The following CRTAM variants were observed in gnomAD, a reference collection of about 807,000 sequenced individuals.
CRTAM encodes cytotoxic and regulatory T-cell molecule.
A neutral mutation model predicts 50.0 loss-of-function variants in CRTAM; 44 were observed. The ratio of observed to expected loss-of-function variants is 0.88; its 90% confidence interval spans 0.69 to 1.13. The LOEUF (loss-of-function observed/expected upper bound fraction) is 1.13, where lower values mean the gene tolerates loss of function less well. Ranked by LOEUF, CRTAM falls within the 50% of genes most tolerant of loss-of-function variation. The pLI, the probability that CRTAM is intolerant of heterozygous loss-of-function variation, is 0.00. For missense variants in CRTAM, 448 were observed against 457.5 expected, an observed-to-expected ratio of 0.98 and a Z score of 0.19; for synonymous variants, 159 against 169.3, an observed-to-expected ratio of 0.94 and a Z score of 0.47.
intron 9 of CRTAM, among the ~76,000 whole-genome samples, chr11:122,870,998 G>A (rs1018253066): frequency 2.6e-5 from 4 of 152,100 alleles, no homozygotes; most frequent in African/African-American, 4.8e-5. Context: ...AGGATCACTT[G>A]AGCCCGGGAG....
At chr11:122,864,278 A>T (rs556033516) in intron 6 of CRTAM, among the ~76,000 whole-genome samples, 1 of 152,206 alleles carries the variant, frequency 6.6e-6, no homozygotes, top group Non-Finnish European at 1.5e-5. Flanking sequence ...GTTAGGTAAA[A>T]CAGAGTTTAT....
At chr11:122,854,814 C>T (rs147237914) in intron 4 of CRTAM, among the ~76,000 whole-genome samples, 27 of 152,166 alleles carry the variant, frequency 1.8e-4, no homozygotes, top group African/African-American at 6.3e-4. Context: ...CCCACAAGAA[C>T]AGATTAAAAA....
At chr11:122,864,057 TC>T (rs1360160375) in intron 6 of CRTAM, among the ~76,000 whole-genome samples, 1 of 152,130 alleles carries the variant, frequency 6.6e-6, no homozygotes, top group Non-Finnish European at 1.5e-5. Flanking sequence ...TCATAGTACA[TC>T]CCACTTCTAA....
chr11:122,872,159 A>G lies in CRTAM; in HGVS notation c.*760A>G, dbSNP rs369042790. ...CAAAAAAAAAGAAGTTACTTCCAAG[A>G]CAGACTTTTAAGATGTAACCAGCAC... On this transcript the variant is annotated 3_prime_UTR_variant, in exon 10 of 10. Transcript: ENST00000227348. The G allele has an allele frequency of 6.6e-6, 1 of 152,218 alleles. No individual in the cohort carries two copies. The highest frequency in any genetic ancestry group is 1.9e-4 in the East Asian group (1 of 5,196). The allele number at this position is 152,218 out of a possible 1,614,324, so 9.4% of individuals were successfully genotyped here.
intron 1 of CRTAM, among the ~76,000 whole-genome samples, chr11:122,849,015 C>T (rs1297328779): frequency 6.6e-6 from 1 of 152,016 alleles, no homozygotes; most frequent in South Asian, 2.1e-4. Context: ...GGTTGTGATT[C>T]GGAGAAATTA....
intron 8 of CRTAM, 132 bp from the exon 9 acceptor site, chr11:122,867,881 T>C: frequency 1.5e-6 from 1 of 645,548 alleles, no homozygotes; most frequent in Non-Finnish European, 2.7e-6. Context: ...GTTGAATTAA[T>C]GAGGTATGAG....
intron 6 of CRTAM, among the ~76,000 whole-genome samples, chr11:122,864,202 C>T (rs1862138433): frequency 6.6e-6 from 1 of 152,120 alleles, no homozygotes; most frequent in Non-Finnish European, 1.5e-5. Context: ...TCCTAAAGAC[C>T]TTCTCCCTAA....
chr11:122,853,862 C>A, intron 3 of CRTAM, 81 bp from the exon 4 acceptor site: 1 of 1,333,580 alleles, frequency 7.5e-7, no homozygotes, highest in Non-Finnish European at 1.0e-6. Flanking sequence ...TAACAATCAC[C>A]TACAGATTAT....
intron 3 of CRTAM, among the ~76,000 whole-genome samples, chr11:122,853,428 T>G (rs1327402105): frequency 1.3e-5 from 2 of 152,082 alleles, no homozygotes; most frequent in African/African-American, 4.8e-5. Context: ...TTTCAGAGAC[T>G]AACAACACAC....
At position 122,851,837 on chromosome 11, in the gene CRTAM, T is replaced by C. The variant is rs773926513; in HGVS notation, c.338T>C (p.Ile113Thr). The C allele has an allele frequency of 6.2e-7, 1 of 1,614,002 alleles. No homozygotes were observed. The highest frequency in any genetic ancestry group is 2.2e-5 in the East Asian group (1 of 44,886). ...GTAAGCACAAAGGAAGTGAAAGTGA[T>C]TGTGCTGGGTAGGTACCTGCAAGTG... The part of the protein sequence containing the change: ...DSVSTKEVKV[I>T]VLATPFKPIL... The change falls in exon 3 of 10, where the codon ATT becomes ACT. Residue 113 changes from isoleucine (I) to threonine (T), a missense_variant. By Grantham distance (89) the Ile-to-Thr change is moderately conservative. Coordinates refer to ENST00000227348, the MANE Select transcript of CRTAM (RefSeq NM_019604.4).
In CRTAM at chr11:122,851,735, A is replaced by T; in HGVS notation, c.236A>T (p.Asn79Ile). ...TACCAGCTTCTTCATCACTCGGCCAATCAGCTCTCCATCACTGTGCCTAAC... is the reference window on the plus strand; with the variant it reads ...TACCAGCTTCTTCATCACTCGGCCATTCAGCTCTCCATCACTGTGCCTAAC... ...SKYQLLHHSA[N>I]QLSITVPNVT... Residue 79 changes from asparagine to isoleucine, a missense_variant, in exon 3 of 10, where the codon AAT becomes ATT. Asn to Ile is a moderately radical substitution (Grantham distance 149). Coordinates refer to ENST00000227348, the MANE Select transcript of CRTAM (RefSeq NM_019604.4). 6.2e-7 allele frequency: 1 copy of T among 1,614,176 alleles called. No individual in the cohort carries two copies. The highest frequency in any genetic ancestry group is 2.2e-5 in the East Asian group (1 of 44,886).
At chr11:122,849,971 G>T in intron 1 of CRTAM, 97 bp from the exon 2 acceptor site, 2 of 1,260,664 alleles carry the variant, frequency 1.6e-6, no homozygotes, top group Non-Finnish European at 2.1e-6. Context: ...GTTTCTAGAA[G>T]AAATAGATAA....
intron 5 of CRTAM, among the ~76,000 whole-genome samples, chr11:122,859,391 G>A (rs1454858160): frequency 1.3e-5 from 2 of 151,536 alleles, no homozygotes; most frequent in African/African-American, 2.4e-5. Context: ...TATTACAGGC[G>A]TGAGCCACCG....
chr11:122,838,568 T>C lies in CRTAM; in HGVS notation c.22T>C (p.Leu8=), dbSNP rs752258551. 2.0e-5 allele frequency: 33 copies of C among 1,614,120 alleles called. No homozygotes were observed. Among genetic ancestry groups the C allele is most frequent in the Non-Finnish European group, 2.7e-5 (32 of 1,180,038 alleles). Residue 8 remains leucine (L), a synonymous_variant, in exon 1 of 10, where the codon TTG becomes CTG. Transcript: ENST00000227348. MWWRVLS[L]LAWFPLQEAS... ...CAGTATGTGGTGGAGAGTTCTCAGCTTGCTGGCATGGTTCCCCTTGCAAGG... is the reference window on the plus strand; with the variant it reads ...CAGTATGTGGTGGAGAGTTCTCAGCCTGCTGGCATGGTTCCCCTTGCAAGG...
chr11:122,839,228 G>C (rs1310805643), intron 1 of CRTAM, among the ~76,000 whole-genome samples: 1 of 152,254 alleles, frequency 6.6e-6, no homozygotes, highest in Non-Finnish European at 1.5e-5. Context: ...CACCGCGCCC[G>C]GCCTCCACGT....
At position 122,859,490 on chromosome 11, in the gene CRTAM, C is replaced by A. The variant is rs1432014165; in HGVS notation, c.653-2974C>A. 4.2e-4 allele frequency among the ~76,000 whole-genome samples: 64 copies of A among 151,980 alleles called. 1 individual carries two copies. The highest frequency in any genetic ancestry group is 1.5e-4 in the Non-Finnish European group (10 of 67,992). ...TTAGTGTGAAAATGTCATTTTTTTA[C>A]ATTTTGAAAATCTCATAAATGTCTA... On this transcript the variant is annotated intron_variant, in intron 5 of 9. Transcript: ENST00000227348.
chr11:122,842,038 G>A (rs1480317056), intron 1 of CRTAM, among the ~76,000 whole-genome samples: 5 of 152,146 alleles, frequency 3.3e-5, no homozygotes, highest in Non-Finnish European at 7.3e-5. Context: ...GACATTCCAG[G>A]ACAAGAGAAT....
chr11:122,862,847 G>T (rs1442436184), intron 6 of CRTAM, among the ~76,000 whole-genome samples: 1 of 152,138 alleles, frequency 6.6e-6, no homozygotes, highest in East Asian at 1.9e-4. Context: ...AATTTCCTCT[G>T]CAGTAAAGGA....
chr11:122,867,459 C>A lies in CRTAM; in HGVS notation c.868C>A (p.Leu290Met). 6.2e-7 allele frequency: 1 copy of A among 1,614,008 alleles called. No individual in the cohort carries two copies. Among genetic ancestry groups the A allele is most frequent in the Non-Finnish European group, 8.5e-7 (1 of 1,179,942 alleles). ...GLARKKSGIL[L>M]LTLVSFLIFI... Reference sequence around the variant, plus strand: ...GGCAAGAAAGAAAAGTGGCATCCTGCTGCTCACGCTGGTGTCCTTCCTCAT... The same window carrying A: ...GGCAAGAAAGAAAAGTGGCATCCTGATGCTCACGCTGGTGTCCTTCCTCAT... Residue 290 changes from leucine (L) to methionine (M), a missense_variant, in exon 8 of 10, where the codon CTG (leucine) becomes ATG (methionine). Transcript: ENST00000227348.
Sources: allele counts gnomAD v4.1 joint callset (sites outside exome capture counted in the v4.1 genomes callset), GRCh38; gene constraint gnomAD v4.1.1; transcripts MANE v1.5; gene names NCBI Gene and HGNC (gene_info 2026-07-23, HGNC 2026-07-21).